CRACR2A: variants seen among roughly 807,000 people sequenced by gnomAD.
The protein encoded by CRACR2A is EF-hand calcium-binding domain-containing protein 4B.
CRACR2A carries 79 observed loss-of-function variants against 90.5 expected under a neutral mutation model. The ratio of observed to expected loss-of-function variants is 0.87; its 90% CI spans 0.73 to 1.05. CRACR2A has a LOEUF of 1.05. CRACR2A is among the 50% of genes least tolerant of loss of function. The pLI, the probability that CRACR2A is intolerant of heterozygous loss-of-function variation, is 0.00. For synonymous variants in CRACR2A, 338 were observed against 356.7 expected (o/e 0.95, Z 0.59); for missense variants, 823 against 897.2 (o/e 0.92, Z 1.06).
Position 3,711,792 on chromosome 12 carries a change from C to A in CRACR2A, c.-37+1445G>T, listed in dbSNP as rs1946009522. On this transcript the variant is annotated intron_variant, in intron 3 of 19. Coordinates refer to ENST00000440314, the MANE Select transcript of CRACR2A (RefSeq NM_001144958.2). The surrounding 1 kb of genome is among the most constrained non-coding windows in gnomAD (Gnocchi z 4.3). ...TTTTTAGGTATTTATTACAGTGGCA[C>A]TTGGTAACAAATTCAGTATTAGTTA... Among the ~76,000 whole-genome samples, 1 of 152,160 alleles carries A rather than the reference C, an allele frequency of 6.6e-6. No individual in the cohort carries two copies. Among genetic ancestry groups the A allele is most frequent in the Admixed American group, 6.5e-5 (1 of 15,278 alleles).
chr12:3,678,763 C>T (rs1162244300), intron 6 of CRACR2A, 152 bp downstream of exon 6: 12 of 723,320 alleles, frequency 1.7e-5, no homozygotes, highest in Admixed American at 3.2e-5. Flanking sequence ...AAGGACAGGC[C>T]CCCACTGGCA....
rs891839671 is a variant in CRACR2A at position 3,633,354 on chromosome 12, G to A, written c.1735+250C>T. 1.3e-5 allele frequency among the ~76,000 whole-genome samples: 2 copies of A among 152,132 alleles called. No homozygotes were observed. On this transcript the variant is annotated intron_variant, in intron 15 of 19. Transcript: ENST00000440314. The surrounding 1 kb of genome is among the most constrained non-coding windows in gnomAD (Gnocchi z 4.5). ...CCAAATTTAGTTCCATAAACCCAAG[G>A]TTGGACTTACAAAGTACTCAGGGGT...
At chr12:3,619,028 A>T (rs920875733) in intron 18 of CRACR2A, among the ~76,000 whole-genome samples, 14 of 152,242 alleles carry the variant, frequency 9.2e-5, no homozygotes, top group Non-Finnish European at 1.5e-5. Flanking sequence ...AAGGGACTTT[A>T]GGATAATTCC....
chr12:3,718,236 T>G (rs1281400365), intron 2 of CRACR2A, among the ~76,000 whole-genome samples: 2 of 152,248 alleles, frequency 1.3e-5, no homozygotes, highest in Admixed American at 1.3e-4. Context: ...TAGTACAGTG[T>G]TGTTCCCTCG....
At chr12:3,617,853 GC>G (rs1326348685) in intron 18 of CRACR2A, among the ~76,000 whole-genome samples, 1 of 152,094 alleles carries the variant, frequency 6.6e-6, no homozygotes, top group Non-Finnish European at 1.5e-5. Context: ...AGCTCAGGAG[GC>G]TCTGCCATGC....
chr12:3,688,263 C>G (rs754399157), intron 4 of CRACR2A, among the ~76,000 whole-genome samples: 4 of 152,172 alleles, frequency 2.6e-5, no homozygotes, highest in Non-Finnish European at 5.9e-5. Flanking sequence ...AATCCTTGCC[C>G]ACTCTTATGT....
At chr12:3,719,951 C>T (rs1946131406) in intron 2 of CRACR2A, among the ~76,000 whole-genome samples, 1 of 151,824 alleles carries the variant, frequency 6.6e-6, no homozygotes, top group Non-Finnish European at 1.5e-5. Flanking sequence ...AACCCCATCT[C>T]TACTAAAAAC....
intron 7 of CRACR2A, among the ~76,000 whole-genome samples, chr12:3,666,375 GCGCA>G (rs1315743056): frequency 3.9e-5 from 6 of 151,926 alleles, no homozygotes; most frequent in African/African-American, 1.2e-4. Flanking sequence ...GCGCGTGCGC[GCGCA>G]CGCGCGCACA....
chr12:3,724,676 AGAC>A (rs1946234882), intron 2 of CRACR2A, among the ~76,000 whole-genome samples: 1 of 152,128 alleles, frequency 6.6e-6, no homozygotes, highest in Non-Finnish European at 1.5e-5. Flanking sequence ...AATATCACCC[AGAC>A]CGTCTGGGGC....
At chr12:3,630,451 G>A (rs1274762209) in intron 15 of CRACR2A, among the ~76,000 whole-genome samples, 6 of 152,324 alleles carry the variant, frequency 3.9e-5, no homozygotes, top group Admixed American at 3.3e-4. Context: ...CTGTACAGAT[G>A]TGCAGTGGGA....
At chr12:3,749,729 A>G (rs1946677432) in intron 1 of CRACR2A, among the ~76,000 whole-genome samples, 1 of 152,026 alleles carries the variant, frequency 6.6e-6, no homozygotes, top group Admixed American at 6.6e-5. Context: ...AAGGCAAAGA[A>G]ATGACCAATA....
rs1555105912 is a variant in CRACR2A at position 3,633,557 on chromosome 12, C to T, written c.1735+47G>A. The T allele has an allele frequency of 1.3e-6, 2 of 1,549,944 alleles. No homozygotes were observed. The highest frequency in any genetic ancestry group is 1.4e-5 in the African/African-American group (1 of 73,112). On this transcript the variant is annotated intron_variant, in intron 15 of 19. Transcript: ENST00000440314. The surrounding 1 kb of genome is among the most constrained non-coding windows in gnomAD (Gnocchi z 4.5). The stretch of plus-strand genomic sequence containing the variant: ...CCCCGGGCCCCCTTCTCACAAACTC[C>T]CTTCCCAAAGATGGGCCTAGGACCC...
At chr12:3,750,335 G>C (rs1432208076) in intron 1 of CRACR2A, among the ~76,000 whole-genome samples, 1 of 152,114 alleles carries the variant, frequency 6.6e-6, no homozygotes, top group South Asian at 2.1e-4. Flanking sequence ...CCAAGGGCCT[G>C]GACCCATTTC....
intron 10 of CRACR2A, among the ~76,000 whole-genome samples, chr12:3,649,597 A>G (rs942525821): frequency 2.6e-5 from 4 of 152,216 alleles, no homozygotes; most frequent in Non-Finnish European, 5.9e-5. Flanking sequence ...CGTGTTAATT[A>G]TAACAGGAGT....
At chr12:3,713,019 CCAA>C (rs1297952302) in intron 3 of CRACR2A, among the ~76,000 whole-genome samples, 22 of 152,042 alleles carry the variant, frequency 1.4e-4, no homozygotes, top group African/African-American at 5.3e-4. Flanking sequence ...AAGTGATACT[CCAA>C]CAAGGTGGAA....
intron 18 of CRACR2A, among the ~76,000 whole-genome samples, chr12:3,617,800 G>A (rs1867719763): frequency 6.6e-6 from 1 of 152,210 alleles, no homozygotes; most frequent in Non-Finnish European, 1.5e-5. Flanking sequence ...CTGATGCCCT[G>A]AGGGGATGCA....
At position 3,696,792 on chromosome 12, in the gene CRACR2A, T is replaced by C. The variant is rs1945747097; in HGVS notation, c.208A>G (p.Ile70Val). ...QTCDAEGKGF[I>V]ARKDMQRLHK... is the part of the protein sequence containing the mutation. ...CTTACCTGCATATCCTTCCTGGCGA[T>C]GAAGCCCTTGCCTTCAGCATCACAG... Residue 70 changes from isoleucine (I) to valine (V), a missense_variant, in exon 4 of 20, where the codon ATC becomes GTC. Transcript: ENST00000440314. The C allele has an allele frequency of 6.2e-7, 1 of 1,614,120 alleles. No individual in the cohort carries two copies. Among genetic ancestry groups the C allele is most frequent in the African/African-American group, 1.3e-5 (1 of 74,944 alleles).
chr12:3,740,986 A>T (rs886497494), intron 1 of CRACR2A, among the ~76,000 whole-genome samples: 1 of 152,166 alleles, frequency 6.6e-6, no homozygotes, highest in Non-Finnish European at 1.5e-5. Context: ...GTCCTCAAGA[A>T]CACCCACCCT....
intron 4 of CRACR2A, among the ~76,000 whole-genome samples, chr12:3,693,341 G>A (rs975275556): frequency 1.3e-5 from 2 of 152,190 alleles, no homozygotes; most frequent in Admixed American, 1.3e-4. Flanking sequence ...TCCAGGCTGG[G>A]TCCCTCAGAG....
Sources: allele counts gnomAD v4.1 joint callset (sites outside exome capture counted in the v4.1 genomes callset), GRCh38; gene constraint gnomAD v4.1.1; non-coding constraint Gnocchi (gnomAD v3.1); transcripts MANE v1.5; gene names NCBI Gene and HGNC (gene_info 2026-07-23, HGNC 2026-07-21).